GPR176: variants seen among roughly 807,000 people sequenced by gnomAD.
GPR176 encodes G protein-coupled receptor 176.
In GPR176, 26 loss-of-function variants were observed where a neutral mutation model predicts 35.4. That is an observed-to-expected ratio of 0.74 (90% CI 0.54 to 1.02). GPR176 has a LOEUF of 1.02. Among genes scored for constraint, GPR176 ranks in the 50% least tolerant of loss-of-function variants. GPR176 has a pLI of 0.00. For synonymous variants in GPR176, 278 were observed against 271.3 expected (o/e 1.02, Z -0.24); for missense variants, 597 against 665.3 (o/e 0.90, Z 1.13).
chr15:39,899,345 G>A (rs2033208562), intron 1 of GPR176, among the ~76,000 whole-genome samples: 1 of 152,192 alleles, frequency 6.6e-6, no homozygotes, highest in Admixed American at 6.5e-5. Context: ...AAGTCTCTAA[G>A]GATGGAAAAC....
chr15:39,866,928 CTG>C (rs566719274), intron 1 of GPR176, among the ~76,000 whole-genome samples: 36 of 151,924 alleles, frequency 2.4e-4, no homozygotes, highest in Non-Finnish European at 4.7e-4. Flanking sequence ...TGTTCTAAAA[CTG>C]AGGGAACAAG....
chr15:39,911,684 G>A (rs192044777), intron 1 of GPR176, among the ~76,000 whole-genome samples: 1 of 152,362 alleles, frequency 6.6e-6, no homozygotes, highest in Admixed American at 6.5e-5. Context: ...AGTGATAACT[G>A]AGAGGGTTCA....
rs1245065611 is a variant in GPR176, at chr15:39,801,276, G to T, written c.1404C>A (p.Thr468=). The T allele has an allele frequency of 1.2e-6, 2 of 1,614,120 alleles. No individual in the cohort carries two copies. Among genetic ancestry groups the T allele is most frequent in the Admixed American group, 1.7e-5 (1 of 60,014 alleles). Residue 468 remains threonine (T), a synonymous_variant, in exon 3 of 3, where the codon ACC becomes ACA. Coordinates refer to ENST00000561100, the MANE Select transcript of GPR176 (RefSeq NM_007223.3). ...GAAGCAGCCGCTTCTTGCTGTTTCG[G>T]GTCTCTGAGAGCCACTGAGGAGGCA... ...FELPPQWLSE[T]RNSKKRLLPP...
At chr15:39,895,307 G>A (rs868448050) in intron 1 of GPR176, among the ~76,000 whole-genome samples, 201 of 146,772 alleles carry the variant, frequency 1.4e-3, no homozygotes, top group Middle Eastern at 6.9e-3. Flanking sequence ...GAGGGGGAGG[G>A]GGAGGGCGAT....
chr15:39,892,789 C>G (rs2032924757), intron 1 of GPR176, among the ~76,000 whole-genome samples: 2 of 152,222 alleles, frequency 1.3e-5, no homozygotes, highest in Non-Finnish European at 2.9e-5. Flanking sequence ...AAGGAACCAG[C>G]CCTGCCGGCA....
chr15:39,897,896 T>G (rs1015305337), intron 1 of GPR176, among the ~76,000 whole-genome samples: 1 of 152,178 alleles, frequency 6.6e-6, no homozygotes, highest in Admixed American at 6.5e-5. Flanking sequence ...TCCATCTCTA[T>G]TCCCTATTAT....
At chr15:39,865,868 A>C (rs1261592605) in intron 1 of GPR176, among the ~76,000 whole-genome samples, 2 of 152,172 alleles carry the variant, frequency 1.3e-5, no homozygotes, top group African/African-American at 2.4e-5. Context: ...TAGAAAATAC[A>C]CTTTGACAAA....
At chr15:39,810,593 T>G (rs938557237) in intron 1 of GPR176, among the ~76,000 whole-genome samples, 2 of 152,248 alleles carry the variant, frequency 1.3e-5, no homozygotes, top group South Asian at 2.1e-4. Flanking sequence ...ACATTACCTC[T>G]TTGAAAACTA....
At chr15:39,844,979 G>A (rs890556591) in intron 1 of GPR176, among the ~76,000 whole-genome samples, 12 of 152,196 alleles carry the variant, frequency 7.9e-5, no homozygotes, top group African/African-American at 1.4e-4. Context: ...AGTTCTAACC[G>A]TATCTCAAGA....
rs752083501 is a variant in GPR176 at position 39,801,644 on chromosome 15, T to G, written c.1036A>C (p.Asn346His). ...VQLHHRYSRRNVVSTGSGMAE... is the reference protein window; with the variant it reads ...VQLHHRYSRRHVVSTGSGMAE... ...ATGCCACTCCCTGTACTGACCACAT[T>G]ACGGCGACTGTACCGGTGGTGTAGT... The change falls in exon 3 of 3, where the codon AAT becomes CAT. Residue 346 changes from asparagine (N) to histidine (H), a missense_variant. Physicochemically the swap from Asn to His is moderately conservative, Grantham distance 68 (BLOSUM62 1). Transcript: ENST00000561100. The G allele has an allele frequency of 1.2e-6, 2 of 1,613,964 alleles. No individual in the cohort carries two copies. The highest frequency in any genetic ancestry group is 2.7e-5 in the African/African-American group (2 of 74,918).
At chr15:39,907,938 T>A (rs2033469733) in intron 1 of GPR176, among the ~76,000 whole-genome samples, 1 of 152,064 alleles carries the variant, frequency 6.6e-6, no homozygotes, top group Non-Finnish European at 1.5e-5. Flanking sequence ...TGAGCCGAGA[T>A]CATGCCACTG....
intron 1 of GPR176, among the ~76,000 whole-genome samples, chr15:39,818,791 G>A (rs983177335): frequency 1.3e-5 from 2 of 152,102 alleles, no homozygotes; most frequent in Admixed American, 6.5e-5. Flanking sequence ...ACATAGATAC[G>A]GAGCCATAAA....
intron 1 of GPR176, among the ~76,000 whole-genome samples, chr15:39,808,895 T>C (rs1899359754): frequency 6.6e-6 from 1 of 152,144 alleles, no homozygotes; most frequent in African/African-American, 2.4e-5. Flanking sequence ...TGAATCACAG[T>C]GCATAAGTAT....
At chr15:39,902,951 C>G (rs1434931613) in intron 1 of GPR176, among the ~76,000 whole-genome samples, 1 of 152,196 alleles carries the variant, frequency 6.6e-6, no homozygotes, top group Non-Finnish European at 1.5e-5. Context: ...ATGGTCCCAA[C>G]CTATGAGAGT....
intron 1 of GPR176, among the ~76,000 whole-genome samples, chr15:39,900,871 A>G (rs1241962477): frequency 2.0e-5 from 3 of 152,360 alleles, no homozygotes; most frequent in African/African-American, 7.2e-5. Flanking sequence ...CAGAATTAGA[A>G]CAGAAGTAGA....
chr15:39,841,611 G>A (rs1329027105), intron 1 of GPR176, among the ~76,000 whole-genome samples: 5 of 152,088 alleles, frequency 3.3e-5, no homozygotes, highest in African/African-American at 9.7e-5. Context: ...CACCAGAAGT[G>A]AGGAATGGGC....
intron 1 of GPR176, among the ~76,000 whole-genome samples, chr15:39,821,469 T>C (rs1382216622): frequency 6.6e-6 from 1 of 152,224 alleles, no homozygotes; most frequent in Non-Finnish European, 1.5e-5. Context: ...GTTATTCTTA[T>C]AAAGGCTTAA....
chr15:39,918,994 C>G (rs2033800857), intron 1 of GPR176, among the ~76,000 whole-genome samples: 1 of 152,172 alleles, frequency 6.6e-6, no homozygotes, highest in Non-Finnish European at 1.5e-5. Flanking sequence ...CCACATATAT[C>G]CAAGTGGTAT....
At chr15:39,863,653 TCACA>T (rs1943533492) in intron 1 of GPR176, among the ~76,000 whole-genome samples, 1 of 152,176 alleles carries the variant, frequency 6.6e-6, no homozygotes. Context: ...ACTCACCAAC[TCACA>T]CAGAGAAATT....
Sources: allele counts gnomAD v4.1 joint callset (sites outside exome capture counted in the v4.1 genomes callset), GRCh38; gene constraint gnomAD v4.1.1; transcripts MANE v1.5; gene names NCBI Gene and HGNC (gene_info 2026-07-23, HGNC 2026-07-21).